The following GMPS variants were observed in gnomAD, a reference collection of about 807,000 sequenced individuals.
GMPS encodes GMP synthase [glutamine-hydrolyzing].
GMPS carries 15 observed loss-of-function variants against 77.9 expected under a neutral mutation model. That is an observed-to-expected ratio of 0.19 (90% CI 0.13 to 0.30). The LOEUF (loss-of-function observed/expected upper bound fraction) is 0.30, where lower values mean the gene tolerates loss of function less well. GMPS is among the 10% of genes least tolerant of loss of function. The pLI, the probability that GMPS is intolerant of heterozygous loss-of-function variation, is 1.00. For synonymous variants in GMPS, 224 were observed against 275.9 expected (o/e 0.81, Z 1.86); for missense variants, 590 against 838.8 (o/e 0.70, Z 3.66).
intron 12 of GMPS, 21 bp from the exon 13 acceptor site, chr3:155,931,744 T>G: frequency 1.0e-6 from 1 of 996,154 alleles, no homozygotes. Context: ...TAAAAATTAT[T>G]GATTATCTTT....
At chr3:155,917,734 G>A (rs528028923) in intron 9 of GMPS, among the ~76,000 whole-genome samples, 20 of 152,152 alleles carry the variant, frequency 1.3e-4, no homozygotes, top group Non-Finnish European at 2.1e-4. Context: ...TTAGCCAGGC[G>A]TGATGGCGGG....
intron 5 of GMPS, among the ~76,000 whole-genome samples, chr3:155,907,074 A>C (rs1754911973): frequency 6.6e-6 from 1 of 152,206 alleles, no homozygotes; most frequent in Non-Finnish European, 1.5e-5. Context: ...GACATGCTGA[A>C]TTTAGTAATC....
At chr3:155,935,168 G>C (rs1016725408) in intron 14 of GMPS, 122 bp downstream of exon 14, 1 of 740,578 alleles carries the variant, frequency 1.4e-6, no homozygotes, top group African/African-American at 1.8e-5. Flanking sequence ...TTAAATCTTT[G>C]AATGTTCTAT....
At chr3:155,870,983 C>T (rs1753890430) in intron 1 of GMPS, 86 bp downstream of exon 1, 2 of 1,226,326 alleles carry the variant, frequency 1.6e-6, no homozygotes, top group Middle Eastern at 2.8e-4. Flanking sequence ...CCCTTCCCCA[C>T]CCCCTTCCCC....
Position 155,941,947 on chromosome 3 carries a change from C to T in GMPS, c.*4255C>T, listed in dbSNP as rs544870092. The T allele has an allele frequency of 1.3e-4, 27 of 210,480 alleles. No homozygotes were observed. Among genetic ancestry groups the T allele is most frequent in the Non-Finnish European group, 2.5e-4 (26 of 103,886 alleles). The allele number at this position is 210,480 out of a possible 1,614,324, so 13.0% of individuals were successfully genotyped here. A position where few individuals can be genotyped will look rare whatever the true frequency, so the allele number is the denominator to read the frequency against. Reference sequence around the variant, plus strand: ...TTATGTACTGAAGAGGCCTCAGTGTCTCACTGAACTCTAACCTTTTTGTCA... The same window carrying T: ...TTATGTACTGAAGAGGCCTCAGTGTTTCACTGAACTCTAACCTTTTTGTCA... On this transcript the variant is annotated 3_prime_UTR_variant, in exon 16 of 16. Coordinates refer to ENST00000496455, the MANE Select transcript of GMPS (RefSeq NM_003875.3).
At chr3:155,910,064 G>A (rs1577519404) in intron 5 of GMPS, among the ~76,000 whole-genome samples, 2 of 151,342 alleles carry the variant, frequency 1.3e-5, no homozygotes, top group Admixed American at 6.6e-5. Flanking sequence ...CCAATATGGT[G>A]AAACCCTGTC....
At chr3:155,896,176 A>G (rs989176993) in intron 2 of GMPS, among the ~76,000 whole-genome samples, 1 of 151,726 alleles carries the variant, frequency 6.6e-6, no homozygotes, top group Non-Finnish European at 1.5e-5. Context: ...TGCCCGGCTA[A>G]TTTTTTGTAT....
At chr3:155,873,614 G>A (rs1430436852) in intron 1 of GMPS, among the ~76,000 whole-genome samples, 2 of 130,416 alleles carry the variant, frequency 1.5e-5, no homozygotes, top group Non-Finnish European at 3.3e-5. Flanking sequence ...GGGAGCAGGT[G>A]TCGTTAGGTT....
intron 4 of GMPS, 148 bp downstream of exon 4, chr3:155,904,108 C>A: frequency 2.0e-6 from 1 of 495,392 alleles, no homozygotes; most frequent in South Asian, 3.8e-5. Context: ...ATTTGCCTTC[C>A]AGTTGAGTGT....
rs749787624 is a variant in GMPS at position 155,941,945 on chromosome 3, G to A, written c.*4253G>A. On this transcript the variant is annotated 3_prime_UTR_variant, in exon 16 of 16. Coordinates refer to ENST00000496455, the MANE Select transcript of GMPS (RefSeq NM_003875.3). ...TTTTATGTACTGAAGAGGCCTCAGT[G>A]TCTCACTGAACTCTAACCTTTTTGT... The A allele has an allele frequency of 4.7e-6, 1 of 210,634 alleles. No individual in the cohort carries two copies. The highest frequency in any genetic ancestry group is 9.6e-6 in the Non-Finnish European group (1 of 103,930). The allele number at this position is 210,634 out of a possible 1,614,324, so 13.0% of individuals were successfully genotyped here.
intron 5 of GMPS, among the ~76,000 whole-genome samples, chr3:155,909,816 C>A (rs1055607256): frequency 6.6e-5 from 10 of 152,048 alleles, no homozygotes; most frequent in African/African-American, 2.4e-4. Context: ...GTGGCATGCA[C>A]CTGTTGTTCC....
At chr3:155,914,613 G>C in intron 8 of GMPS, 43 bp downstream of exon 8, 1 of 1,255,786 alleles carries the variant, frequency 8.0e-7, no homozygotes, top group Non-Finnish European at 1.1e-6. Context: ...TATTTTTGAT[G>C]TGAATCTTAG....
rs756771481 is a variant in GMPS at position 155,940,116 on chromosome 3, C to T, written c.*2424C>T. On this transcript the variant is annotated 3_prime_UTR_variant, in exon 16 of 16. Coordinates refer to ENST00000496455, the MANE Select transcript of GMPS (RefSeq NM_003875.3). ...TCTGGGCATATCATGACTTTATTCC[C>T]GTTGCTTACCATCTACCTGGGACAC... 9 of 205,394 alleles carry T rather than the reference C, an allele frequency of 4.4e-5. No homozygotes were observed. Among genetic ancestry groups the T allele is most frequent in the South Asian group, 1.9e-4 (1 of 5,300 alleles). The allele number at this position is 205,394 out of a possible 1,614,324, so 12.7% of individuals were successfully genotyped here. A position where few individuals can be genotyped will look rare whatever the true frequency, so the allele number is the denominator to read the frequency against.
intron 10 of GMPS, among the ~76,000 whole-genome samples, chr3:155,919,960 T>G (rs1184996105): frequency 6.6e-6 from 1 of 152,210 alleles, no homozygotes; most frequent in Non-Finnish European, 1.5e-5. Flanking sequence ...AGGTTCTAGC[T>G]CACTGTAATA....
intron 13 of GMPS, among the ~76,000 whole-genome samples, 163 bp downstream of exon 13, chr3:155,932,043 G>T (rs1755636569): frequency 6.6e-6 from 1 of 152,090 alleles, no homozygotes; most frequent in African/African-American, 2.4e-5. Context: ...CACATAGGTT[G>T]CAGTTAAGTA....
chr3:155,874,394 GTTAATT>G (rs1577495128), intron 1 of GMPS, among the ~76,000 whole-genome samples: 1 of 152,150 alleles, frequency 6.6e-6, no homozygotes, highest in South Asian at 2.1e-4. Flanking sequence ...ATTTAATAAT[GTTAATT>G]TTAAGTTTGG....
intron 1 of GMPS, among the ~76,000 whole-genome samples, chr3:155,886,233 G>T (rs1376390198): frequency 6.6e-6 from 1 of 151,824 alleles, no homozygotes; most frequent in South Asian, 2.1e-4. Context: ...TTACTCAACT[G>T]TTCACAGAAT....
intron 12 of GMPS, among the ~76,000 whole-genome samples, chr3:155,931,548 A>G (rs181856916): frequency 3.9e-5 from 6 of 152,212 alleles, no homozygotes; most frequent in Admixed American, 3.9e-4. Context: ...AGGATTTAAT[A>G]TGGGATTTTA....
intron 1 of GMPS, among the ~76,000 whole-genome samples, chr3:155,878,570 G>A (rs1754117743): frequency 1.3e-5 from 2 of 152,158 alleles, no homozygotes; most frequent in Admixed American, 6.5e-5. Context: ...TTAGTGAACT[G>A]TCAGACTGTT....
Sources: gnomAD v4.1 joint callset for allele counts (sites outside exome capture counted in the v4.1 genomes callset) on GRCh38, gnomAD v4.1.1 for gene constraint, MANE v1.5 for transcripts, NCBI Gene and HGNC (gene_info 2026-07-23, HGNC 2026-07-21) for gene names.